APBB2: variants seen among roughly 807,000 people sequenced by gnomAD.
APBB2 encodes Fe65-like 1.
A neutral mutation model predicts 82.5 loss-of-function variants in APBB2; 38 were observed. That is an observed-to-expected ratio of 0.46 (90% confidence interval 0.36 to 0.60). APBB2 has a LOEUF of 0.60. Among genes scored for constraint, APBB2 ranks in the 20% least tolerant of loss-of-function variants. The pLI is 0.00. For missense variants in APBB2, 772 were observed against 972.3 expected (o/e 0.79, Z 2.74); for synonymous variants, 341 against 368.2 (o/e 0.93, Z 0.85).
chr4:41,101,305 A>C (rs950400107), intron 2 of APBB2, among the ~76,000 whole-genome samples: 2 of 150,198 alleles, frequency 1.3e-5, no homozygotes, highest in Non-Finnish European at 3.0e-5. Context: ...TCTACTAAAA[A>C]TACAAAAAAT....
At chr4:40,861,717 T>A (rs1762808349) in intron 12 of APBB2, among the ~76,000 whole-genome samples, 1 of 152,208 alleles carries the variant, frequency 6.6e-6, no homozygotes, top group Non-Finnish European at 1.5e-5. Context: ...ACAGGTTCAA[T>A]TATGTGTGAA....
chr4:41,085,718 T>G (rs1270748777), intron 3 of APBB2, among the ~76,000 whole-genome samples: 1 of 152,172 alleles, frequency 6.6e-6, no homozygotes, highest in African/African-American at 2.4e-5. Flanking sequence ...GTTCATTATT[T>G]TAAAGTGCTG....
At chr4:41,044,544 T>C (rs1722692695) in intron 4 of APBB2, among the ~76,000 whole-genome samples, 1 of 152,226 alleles carries the variant, frequency 6.6e-6, no homozygotes, top group African/African-American at 2.4e-5. Context: ...AGGAGCAATA[T>C]TTCCTCCACT....
chr4:40,849,904 A>G (rs1447298439), intron 12 of APBB2, among the ~76,000 whole-genome samples: 1 of 151,566 alleles, frequency 6.6e-6, no homozygotes, highest in East Asian at 1.9e-4. Context: ...TTGTATTTTT[A>G]GTAGAGACGG....
In APBB2 at chr4:40,826,929, C is replaced by A; in HGVS notation, c.1732+203G>T. Reference sequence around the variant, plus strand: ...AATCTTGTCCAATAACAACAAAACTCATCCTGGCTTTATGCCTAACCCTAG... The same window carrying A: ...AATCTTGTCCAATAACAACAAAACTAATCCTGGCTTTATGCCTAACCCTAG... On this transcript the variant is annotated intron_variant, in intron 14 of 17. Transcript: ENST00000508593. The surrounding 1 kb of genome is among the most constrained non-coding windows in gnomAD (Gnocchi z 4.5). 1 of 509,574 alleles carries A rather than the reference C, an allele frequency of 2.0e-6. No individual in the cohort carries two copies. Among genetic ancestry groups the A allele is most frequent in the Non-Finnish European group, 3.5e-6 (1 of 286,754 alleles). The allele number at this position is 509,574 out of a possible 1,614,324, so 31.6% of individuals were successfully genotyped here. A position where few individuals can be genotyped will look rare whatever the true frequency, so the allele number is the denominator to read the frequency against.
intron 6 of APBB2, among the ~76,000 whole-genome samples, chr4:41,010,018 A>C (rs1807872316): frequency 6.6e-6 from 1 of 152,200 alleles, no homozygotes; most frequent in African/African-American, 2.4e-5. Flanking sequence ...TTCATTCACC[A>C]ATCTATGTAT....
At chr4:41,006,228 T>C (rs1385466426) in intron 6 of APBB2, among the ~76,000 whole-genome samples, 1 of 152,170 alleles carries the variant, frequency 6.6e-6, no homozygotes, top group African/African-American at 2.4e-5. Context: ...ACCCTTGAAG[T>C]GCTAAAATCT....
intron 3 of APBB2, among the ~76,000 whole-genome samples, chr4:41,084,084 G>A (rs1018526936): frequency 6.6e-6 from 1 of 152,120 alleles, no homozygotes; most frequent in Non-Finnish European, 1.5e-5. Flanking sequence ...CATTAATAGT[G>A]ACTAGATAAC....
At chr4:41,126,032 A>C (rs1240564901) in intron 2 of APBB2, among the ~76,000 whole-genome samples, 1 of 152,152 alleles carries the variant, frequency 6.6e-6, no homozygotes, top group Non-Finnish European at 1.5e-5. Flanking sequence ...CACACCTTTA[A>C]TTGGAGTTTT....
At chr4:41,074,993 T>G (rs1432320974) in intron 3 of APBB2, among the ~76,000 whole-genome samples, 1 of 151,852 alleles carries the variant, frequency 6.6e-6, no homozygotes, top group Non-Finnish European at 1.5e-5. Context: ...CACAAAAAAT[T>G]ATCTGGCCAC....
At chr4:41,015,193 G>C (rs1009485377) in intron 5 of APBB2, among the ~76,000 whole-genome samples, 1 of 152,126 alleles carries the variant, frequency 6.6e-6, no homozygotes, top group Non-Finnish European at 1.5e-5. Flanking sequence ...AGAACTCCTA[G>C]GAAACTATCT....
rs566692631 is a variant in APBB2, at chr4:41,049,615, C to T, written c.-51+15961G>A. 2.5e-4 allele frequency among the ~76,000 whole-genome samples: 38 copies of T among 152,226 alleles called. 1 individual carries two copies. The highest frequency in any genetic ancestry group is 9.1e-4 in the Admixed American group (14 of 15,306). On this transcript the variant is annotated intron_variant, in intron 4 of 17. Transcript: ENST00000508593. ...GTGAGGAGCCCCTCTGCCCGGCCAC[C>T]ACCCCGTCTGGGAGGTGTACCCAAC...
rs1241251819 is a variant in APBB2, at chr4:41,080,115, AG to A, written c.-148-14443del. Among the ~76,000 whole-genome samples the A allele has an allele frequency of 3.9e-5, 6 of 152,354 alleles. No homozygotes were observed. The East Asian group carries it at 1.2e-3, about 29-fold the overall frequency. On this transcript the variant is annotated intron_variant, in intron 3 of 17. Coordinates refer to ENST00000508593, the MANE Select transcript of APBB2 (RefSeq NM_004307.2). ...CGAGGCAGTTTGAAAACCAGTGGTC[AG>A]GAACTACACGACTATGAAAATGCAA...
chr4:40,915,138 C>T (rs1461229077), intron 10 of APBB2, among the ~76,000 whole-genome samples: 2 of 152,216 alleles, frequency 1.3e-5, no homozygotes, highest in African/African-American at 2.4e-5. Context: ...GGCACAGTGG[C>T]CTCCAGGCCA....
intron 6 of APBB2, among the ~76,000 whole-genome samples, chr4:40,956,698 A>G (rs564106470): frequency 2.2e-4 from 34 of 152,206 alleles, no homozygotes; most frequent in Admixed American, 1.8e-3. Flanking sequence ...TAAAAAATTA[A>G]TGTTAAGATT....
At chr4:40,996,890 G>A (rs1803780397) in intron 6 of APBB2, among the ~76,000 whole-genome samples, 1 of 152,072 alleles carries the variant, frequency 6.6e-6, no homozygotes, top group Non-Finnish European at 1.5e-5. Context: ...TGGTTTCTTT[G>A]AATAAACATA....
chr4:41,204,259 C>G (rs2154078049), intron 1 of APBB2, among the ~76,000 whole-genome samples: 1 of 152,232 alleles, frequency 6.6e-6, no homozygotes, highest in South Asian at 2.1e-4. Context: ...GCAAGGAGCC[C>G]CTGAAGAGTT....
rs34941899 is a variant in APBB2 at position 41,004,836 on chromosome 4, C to CAAAA, written c.835+8743_835+8746dup. Among the ~76,000 whole-genome samples, 485 of 48,952 alleles carry CAAAA rather than the reference C, an allele frequency of 9.9e-3. 26 individuals carry two copies. The highest frequency in any genetic ancestry group is 0.012 in the Non-Finnish European group (335 of 28,996). The allele number at this position is 48,952 out of a possible 152,430, so 32.1% of individuals were successfully genotyped here. A position where few individuals can be genotyped will look rare whatever the true frequency, so the allele number is the denominator to read the frequency against. On this transcript the variant is annotated intron_variant, in intron 6 of 17. Coordinates refer to ENST00000508593, the MANE Select transcript of APBB2 (RefSeq NM_004307.2). ...TGGGCGACACAGCGAGACCCCATCT[C>CAAAA]AAAAAAAAAAAAAAAAAAAAAAAGA...
chr4:40,952,043 G>A (rs142523170), intron 6 of APBB2, among the ~76,000 whole-genome samples: 1,893 of 152,000 alleles, frequency 0.012, 22 homozygotes, highest in African/African-American at 0.028. Context: ...AAAATTAGCC[G>A]GGTGTGGTGA....
Sources: allele counts gnomAD v4.1 joint callset (sites outside exome capture counted in the v4.1 genomes callset), GRCh38; gene constraint gnomAD v4.1.1; non-coding constraint Gnocchi (gnomAD v3.1); transcripts MANE v1.5; gene names NCBI Gene and HGNC (gene_info 2026-07-23, HGNC 2026-07-21).